The following LDB2 variants were observed in gnomAD, a reference collection of about 807,000 sequenced individuals.
LDB2 encodes the protein LIM domain binding 2, also known as LIM domain-binding protein 2.
Under a neutral mutation model 44.3 loss-of-function variants are expected in LDB2, and 12 were observed. That is an observed-to-expected ratio of 0.27 (90% CI 0.17 to 0.44). LDB2 has a LOEUF of 0.44. Ranked by LOEUF, LDB2 falls within the 20% of genes least tolerant of loss-of-function variation. The pLI is 1.00. For missense variants in LDB2, 344 were observed against 473.5 expected (o/e 0.73, Z 2.54); for synonymous variants, 164 against 174.8 (o/e 0.94, Z 0.49).
In LDB2 at chr4:16,502,712, C is replaced by G. The variant is rs147641994; in HGVS notation, c.1053G>C (p.Pro351=). Residue 351 remains proline, a synonymous_variant, in exon 8 of 8, where the codon CCG becomes CCC. Coordinates refer to ENST00000304523, the MANE Select transcript of LDB2 (RefSeq NM_001290.5). The stretch of plus-strand genomic sequence containing the variant: ...GAGTGGCGGGAGGTTTACTGTTCCA[C>G]GGGCTGTTGTTCCCCAGCGCGGGTG... The part of the protein sequence containing the change: ...NNSPALGNNS[P]WNSKPPATQE... The G allele has an allele frequency of 6.2e-7, 1 of 1,613,926 alleles. No individual in the cohort carries two copies. The highest frequency in any genetic ancestry group is 1.7e-5 in the Admixed American group (1 of 59,994).
chr4:16,580,952 A>C (rs919433452), intron 5 of LDB2, among the ~76,000 whole-genome samples: 3 of 152,230 alleles, frequency 2.0e-5, no homozygotes, highest in Admixed American at 6.5e-5. Flanking sequence ...TGGTTGTTGC[A>C]TACAGTAAAC....
chr4:16,575,566 T>G (rs1747998932), intron 5 of LDB2, among the ~76,000 whole-genome samples: 1 of 152,150 alleles, frequency 6.6e-6, no homozygotes, highest in South Asian at 2.1e-4. Flanking sequence ...ACAAAACAAG[T>G]ATTAAAACAT....
intron 1 of LDB2, among the ~76,000 whole-genome samples, chr4:16,821,745 G>GAAAAAAAAAAAAAAAAA (rs1782072538): frequency 8.7e-5 from 1 of 11,452 alleles, no homozygotes; most frequent in African/African-American, 2.8e-4. Context: ...CAACATTAAA[G>GAAAAAAAAAAAAAAAAA]CAAAAAAAAA....
intron 7 of LDB2, among the ~76,000 whole-genome samples, chr4:16,507,851 T>A (rs1490427694): frequency 6.6e-6 from 1 of 152,140 alleles, no homozygotes; most frequent in African/African-American, 2.4e-5. Context: ...ATGAAGAAAG[T>A]TCCTGTGCAG....
intron 1 of LDB2, among the ~76,000 whole-genome samples, chr4:16,873,438 G>C (rs928933217): frequency 1.3e-5 from 2 of 152,106 alleles, no homozygotes; most frequent in African/African-American, 4.8e-5. Context: ...AGAGAACCTG[G>C]CATTCGGCCT....
At chr4:16,870,454 G>A (rs1716178373) in intron 1 of LDB2, among the ~76,000 whole-genome samples, 2 of 27,658 alleles carry the variant, frequency 7.2e-5, no homozygotes, top group African/African-American at 1.7e-4. Flanking sequence ...CTGAAGGGGT[G>A]TGTATGTGTG....
intron 2 of LDB2, among the ~76,000 whole-genome samples, chr4:16,714,395 C>T (rs1215068700): frequency 3.3e-5 from 5 of 152,174 alleles, no homozygotes; most frequent in Non-Finnish European, 7.3e-5. Context: ...TTCTTGGGGA[C>T]AGTGGCCTGG....
intron 2 of LDB2, among the ~76,000 whole-genome samples, chr4:16,607,958 A>G (rs1724407466): frequency 6.6e-6 from 1 of 152,134 alleles, no homozygotes; most frequent in African/African-American, 2.4e-5. Flanking sequence ...GACCACAAAA[A>G]AGGGGAAATA....
chr4:16,695,518 T>C (rs1033412963), intron 2 of LDB2, among the ~76,000 whole-genome samples: 3 of 151,740 alleles, frequency 2.0e-5, no homozygotes, highest in Non-Finnish European at 4.4e-5. Flanking sequence ...AAAGAAGTTA[T>C]ACAAAAACAT....
chr4:16,766,513 T>G (rs1292677823), intron 1 of LDB2, among the ~76,000 whole-genome samples: 30 of 146,920 alleles, frequency 2.0e-4, no homozygotes, highest in African/African-American at 6.7e-4. Flanking sequence ...TGTATATATT[T>G]TTTTTTTTTT....
chr4:16,845,065 A>G (rs569093774), intron 1 of LDB2, among the ~76,000 whole-genome samples: 17 of 152,310 alleles, frequency 1.1e-4, no homozygotes, highest in African/African-American at 3.8e-4. Flanking sequence ...CATGCAGTGC[A>G]TGTTTCAGCC....
In LDB2 at chr4:16,864,131, C is replaced by G. The variant is rs184061564; in HGVS notation, c.132+34223G>C. ...GAGGGAGAGAGAGAAAAACCACCACCGCCACACCTGCAGCAAAAACCCTTT... is the reference window on the plus strand; with the variant it reads ...GAGGGAGAGAGAGAAAAACCACCACGGCCACACCTGCAGCAAAAACCCTTT... On this transcript the variant is annotated intron_variant, in intron 1 of 7. Coordinates refer to ENST00000304523, the MANE Select transcript of LDB2 (RefSeq NM_001290.5). 1.6e-3 allele frequency among the ~76,000 whole-genome samples: 240 copies of G among 152,232 alleles called. 2 individuals carry two copies. In the Middle Eastern group the frequency reaches 0.031, roughly 19 times the overall value.
intron 2 of LDB2, among the ~76,000 whole-genome samples, chr4:16,610,550 G>T (rs1725323704): frequency 1.3e-5 from 2 of 152,176 alleles, no homozygotes; most frequent in South Asian, 4.1e-4. Flanking sequence ...CACACAGCAT[G>T]AGAACATTGT....
intron 5 of LDB2, among the ~76,000 whole-genome samples, chr4:16,553,194 G>A (rs147757481): frequency 3.6e-4 from 55 of 152,106 alleles, no homozygotes; most frequent in African/African-American, 1.1e-3. Flanking sequence ...TTGCTCTGTC[G>A]CCTAGGCTGG....
intron 1 of LDB2, among the ~76,000 whole-genome samples, chr4:16,786,246 C>T (rs1197455289): frequency 6.6e-6 from 1 of 152,208 alleles, no homozygotes. Context: ...CTCTTATCAA[C>T]CACTCAAGTT....
intron 2 of LDB2, among the ~76,000 whole-genome samples, chr4:16,735,210 A>G (rs34347526): frequency 1.6e-4 from 25 of 152,060 alleles, no homozygotes; most frequent in East Asian, 3.9e-4. Context: ...AGTCTCCCCA[A>G]TGCTGCCCGC....
At chr4:16,870,794 G>A (rs1716340490) in intron 1 of LDB2, among the ~76,000 whole-genome samples, 1 of 151,980 alleles carries the variant, frequency 6.6e-6, no homozygotes, top group Non-Finnish European at 1.5e-5. Context: ...CACCACACCT[G>A]GCTAGTTTTT....
intron 4 of LDB2, among the ~76,000 whole-genome samples, chr4:16,586,262 T>C (rs41268381): frequency 0.32 from 48,274 of 151,970 alleles, 7,823 homozygotes; most frequent in South Asian, 0.36. Context: ...GGAGAAATGA[T>C]GTTACTTCCT....
chr4:16,857,447 T>G (rs1013631108), intron 1 of LDB2, among the ~76,000 whole-genome samples: 6 of 152,190 alleles, frequency 3.9e-5, no homozygotes, highest in Admixed American at 3.9e-4. Flanking sequence ...AGGGTGAGCA[T>G]TACACAAAGT....
Sources: allele counts gnomAD v4.1 joint callset (sites outside exome capture counted in the v4.1 genomes callset), GRCh38; gene constraint gnomAD v4.1.1; transcripts MANE v1.5; gene names NCBI Gene and HGNC (gene_info 2026-07-23, HGNC 2026-07-21).